Variants in ERBB4 observed in about 807,000 individuals in gnomAD.
ERBB4 encodes receptor tyrosine-protein kinase erbB-4.
Under a neutral mutation model 158.0 loss-of-function variants are expected in ERBB4, and 42 were observed. The ratio of observed to expected loss-of-function variants is 0.27; its 90% CI spans 0.21 to 0.34. The LOEUF is 0.34. Ranked by LOEUF, ERBB4 falls within the 10% of genes least tolerant of loss-of-function variation. ERBB4 has a pLI of 1.00. For synonymous variants in ERBB4, 583 were observed against 558.7 expected (o/e 1.04, Z -0.61); for missense variants, 1,333 against 1,624.1 (o/e 0.82, Z 3.08).
chr2:212,264,253 G>A (rs1018042589), intron 1 of ERBB4, among the ~76,000 whole-genome samples: 4 of 151,940 alleles, frequency 2.6e-5, no homozygotes, highest in South Asian at 2.1e-4. Context: ...GTAGCTATGC[G>A]CCTGGCTTTC....
intron 3 of ERBB4, among the ~76,000 whole-genome samples, chr2:211,919,829 A>T (rs989649070): frequency 6.6e-5 from 10 of 151,978 alleles, no homozygotes; most frequent in African/African-American, 1.7e-4. Context: ...ACATACTTTC[A>T]TATGCTGCAA....
At position 211,379,037 on chromosome 2, in the gene ERBB4, T is replaced by C. The variant is rs576271564; in HGVS notation, c.*4578A>G. ...TTTCTCATTTGCCCTATAACAATCA[T>C]CATTCTAATAACTAAAGTCCAAAAG... On this transcript the variant is annotated 3_prime_UTR_variant, in exon 28 of 28. Coordinates refer to ENST00000342788, the MANE Select transcript of ERBB4 (RefSeq NM_005235.3). 3.9e-5 allele frequency: 9 copies of C among 231,732 alleles called. No individual in the cohort carries two copies. The South Asian group carries it at 1.4e-3, about 37-fold the overall frequency. The allele number at this position is 231,732 out of a possible 1,614,324, so 14.4% of individuals were successfully genotyped here.
At chr2:212,160,830 AT>A (rs1265694198) in intron 1 of ERBB4, among the ~76,000 whole-genome samples, 1 of 151,974 alleles carries the variant, frequency 6.6e-6, no homozygotes, top group African/African-American at 2.4e-5. Context: ...CCTTTGTGAG[AT>A]ATCCGCACAA....
At chr2:212,054,271 T>C (rs138397193) in intron 2 of ERBB4, among the ~76,000 whole-genome samples, 60 of 152,302 alleles carry the variant, frequency 3.9e-4, no homozygotes, top group Admixed American at 1.4e-3. Context: ...TTAATCATTT[T>C]TGTGGTGGAA....
intron 25 of ERBB4, among the ~76,000 whole-genome samples, chr2:211,411,087 T>C (rs754790631): frequency 6.6e-6 from 1 of 152,146 alleles, no homozygotes; most frequent in Non-Finnish European, 1.5e-5. Flanking sequence ...TTTTGTACTT[T>C]TAGTAGAGAT....
At chr2:211,808,899 G>A (rs1439443600) in intron 3 of ERBB4, among the ~76,000 whole-genome samples, 3 of 152,100 alleles carry the variant, frequency 2.0e-5, no homozygotes, top group Admixed American at 6.5e-5. Context: ...ATTGTGAATG[G>A]CAGTTCACTC....
intron 3 of ERBB4, among the ~76,000 whole-genome samples, chr2:211,923,728 T>C (rs1463429944): frequency 1.3e-5 from 2 of 152,012 alleles, no homozygotes; most frequent in Non-Finnish European, 2.9e-5. Context: ...TTGTATTGTA[T>C]TGTATTGTAT....
chr2:212,262,742 G>C (rs1166786010), intron 1 of ERBB4, among the ~76,000 whole-genome samples: 1 of 152,020 alleles, frequency 6.6e-6, no homozygotes, highest in African/African-American at 2.4e-5. Context: ...GGATCCATGG[G>C]CTCATATATT....
chr2:211,622,775 CA>C (rs1276480196), intron 18 of ERBB4, among the ~76,000 whole-genome samples: 1 of 149,976 alleles, frequency 6.7e-6, no homozygotes, highest in Non-Finnish European at 1.5e-5. Flanking sequence ...CCAGCCTGGC[CA>C]ACATGGTGAA....
intron 2 of ERBB4, among the ~76,000 whole-genome samples, chr2:212,035,432 T>A (rs986566265): frequency 6.6e-6 from 1 of 152,166 alleles, no homozygotes; most frequent in Non-Finnish European, 1.5e-5. Context: ...ACTAGTTCCA[T>A]CCACATGCAA....
At chr2:211,684,384 G>A (rs879905668) in intron 12 of ERBB4, among the ~76,000 whole-genome samples, 1 of 152,114 alleles carries the variant, frequency 6.6e-6, no homozygotes, top group African/African-American at 2.4e-5. Context: ...CCGGGAGGTG[G>A]AGGTTTCAGT....
intron 16 of ERBB4, among the ~76,000 whole-genome samples, chr2:211,649,549 G>T (rs1373694331): frequency 6.6e-6 from 1 of 151,974 alleles, no homozygotes; most frequent in East Asian, 1.9e-4. Context: ...GAACAAAGGA[G>T]TTGCTTTGTA....
At chr2:211,697,057 C>T (rs563115081) in intron 12 of ERBB4, among the ~76,000 whole-genome samples, 14 of 152,132 alleles carry the variant, frequency 9.2e-5, no homozygotes, top group Non-Finnish European at 2.1e-4. Context: ...AATCCTTAAT[C>T]GGATTTTAGT....
chr2:211,948,423 A>G (rs2080766115), intron 2 of ERBB4, among the ~76,000 whole-genome samples: 1 of 107,294 alleles, frequency 9.3e-6, no homozygotes, highest in South Asian at 3.8e-4. Context: ...CGACAGAGTG[A>G]GACTCTGTCT....
At chr2:212,538,323 G>C in intron 1 of ERBB4, 126 bp downstream of exon 1, 1 of 826,468 alleles carries the variant, frequency 1.2e-6, no homozygotes, top group East Asian at 2.4e-5. Flanking sequence ...GAAAGCCCAG[G>C]GAAGAGGCCC....
intron 1 of ERBB4, among the ~76,000 whole-genome samples, chr2:212,203,132 A>G (rs1417841108): frequency 1.3e-5 from 2 of 152,144 alleles, no homozygotes; most frequent in African/African-American, 4.8e-5. Context: ...ATTAACACGG[A>G]CATTGTACAT....
chr2:212,465,203 GAAC>G (rs1560401647), intron 1 of ERBB4, among the ~76,000 whole-genome samples: 1 of 152,076 alleles, frequency 6.6e-6, no homozygotes, highest in Admixed American at 6.6e-5. Context: ...AAGGAGGGTT[GAAC>G]AAAATGACCT....
At chr2:211,817,528 T>C (rs1417586292) in intron 3 of ERBB4, among the ~76,000 whole-genome samples, 1 of 152,208 alleles carries the variant, frequency 6.6e-6, no homozygotes, top group Non-Finnish European at 1.5e-5. Context: ...AAAGGTATCA[T>C]AAATTTACTT....
chr2:212,520,881 C>T (rs1692122393), intron 1 of ERBB4, among the ~76,000 whole-genome samples: 1 of 145,010 alleles, frequency 6.9e-6, no homozygotes, highest in Non-Finnish European at 1.5e-5. Context: ...ACACCACTGG[C>T]ATAGCTCTGT....
Sources: gnomAD v4.1 joint callset for allele counts (sites outside exome capture counted in the v4.1 genomes callset) on GRCh38, gnomAD v4.1.1 for gene constraint, MANE v1.5 for transcripts, NCBI Gene and HGNC (gene_info 2026-07-23, HGNC 2026-07-21) for gene names.